Variants in GPC5 observed in about 807,000 individuals in gnomAD.
GPC5 encodes glypican-5.
A neutral mutation model predicts 53.9 loss-of-function variants in GPC5; 47 were observed. That is an observed-to-expected ratio of 0.87 (90% CI 0.69 to 1.11). The LOEUF is 1.11. GPC5 is among the 50% of genes most tolerant of loss of function. GPC5 has a pLI of 0.00. For missense variants in GPC5, 748 were observed against 713.1 expected (o/e 1.05, Z -0.56); for synonymous variants, 286 against 263.3 (o/e 1.09, Z -0.84).
chr13:92,131,927 T>C lies in GPC5; in HGVS notation c.1402-12903T>C, dbSNP rs2041747246. On this transcript the variant is annotated intron_variant, in intron 6 of 7. Coordinates refer to ENST00000377067, the MANE Select transcript of GPC5 (RefSeq NM_004466.6). ...ACCCACCATTATACACTTAAGTATA[T>C]ACCCAACAGATATAACTGGGAATTT... Among the ~76,000 whole-genome samples the C allele has an allele frequency of 4.5e-5, 3 of 66,876 alleles. No individual in the cohort carries two copies. The South Asian group carries it at 2.4e-3, about 54-fold the overall frequency. 43.9% of individuals were successfully genotyped at this position (66,876 alleles called of 152,430 possible).
At chr13:91,931,903 G>C (rs2039824928) in intron 6 of GPC5, among the ~76,000 whole-genome samples, 1 of 151,936 alleles carries the variant, frequency 6.6e-6, no homozygotes, top group Non-Finnish European at 1.5e-5. Flanking sequence ...TTACATCTCT[G>C]TTTATAGACT....
At chr13:92,609,834 C>G (rs1884375009) in intron 7 of GPC5, among the ~76,000 whole-genome samples, 1 of 151,960 alleles carries the variant, frequency 6.6e-6, no homozygotes, top group Admixed American at 6.6e-5. Context: ...AGTTCGAGAT[C>G]AGTCTGGCCA....
rs61454360 is a variant in GPC5, at chr13:92,127,148, C to T, written c.1402-17682C>T. Among the ~76,000 whole-genome samples the T allele has an allele frequency of 2.7e-3, 404 of 151,586 alleles. 1 individual carries two copies. The highest frequency in any genetic ancestry group is 9.4e-3 in the African/African-American group (387 of 41,322). ...CTTCTAGGAAAGTTTGAGGAAACAG[C>T]GAAAAACCAGTGTGTTACTGAACAC... On this transcript the variant is annotated intron_variant, in intron 6 of 7. Coordinates refer to ENST00000377067, the MANE Select transcript of GPC5 (RefSeq NM_004466.6).
At chr13:91,862,267 T>C (rs2039038382) in intron 5 of GPC5, among the ~76,000 whole-genome samples, 1 of 152,154 alleles carries the variant, frequency 6.6e-6, no homozygotes, top group Admixed American at 6.5e-5. Flanking sequence ...AATTTTACCT[T>C]CAACTTTGAA....
Position 92,663,889 on chromosome 13 carries a change from TATATATATATATATACAC to T in GPC5, c.1562-202391_1562-202374del, listed in dbSNP as rs1205501396. 4.0e-3 allele frequency among the ~76,000 whole-genome samples: 72 copies of T among 17,858 alleles called. 2 individuals are homozygous for T. Among genetic ancestry groups the T allele is most frequent in the South Asian group, 0.016 (6 of 372 alleles). The allele number at this position is 17,858 out of a possible 152,430, so 11.7% of individuals were successfully genotyped here. On this transcript the variant is annotated intron_variant, in intron 7 of 7. Coordinates refer to ENST00000377067, the MANE Select transcript of GPC5 (RefSeq NM_004466.6). ...ATATATATATATATATATATATATA[TATATATATATATATACAC>T]ACACACACACAAAAATTAGCTCGGC...
intron 7 of GPC5, among the ~76,000 whole-genome samples, chr13:92,531,484 TAAAG>T (rs935677001): frequency 1.3e-4 from 19 of 151,062 alleles, no homozygotes; most frequent in African/African-American, 4.3e-4. Context: ...TATATTCATA[TAAAG>T]AGATATATGT....
At chr13:92,147,112 T>C (rs73620809) in intron 7 of GPC5, among the ~76,000 whole-genome samples, 1,578 of 151,300 alleles carry the variant, frequency 0.01, 34 homozygotes, top group African/African-American at 0.036. Flanking sequence ...GTTTTTACTT[T>C]ATTACATTTT....
At chr13:92,385,431 TATATACA>T (rs2043789954) in intron 7 of GPC5, among the ~76,000 whole-genome samples, 1 of 83,350 alleles carries the variant, frequency 1.2e-5, no homozygotes, top group Non-Finnish European at 2.4e-5. Context: ...CATATATACA[TATATACA>T]TATATACATA....
intron 7 of GPC5, among the ~76,000 whole-genome samples, chr13:92,563,343 G>T (rs1180206942): frequency 6.6e-6 from 1 of 151,948 alleles, no homozygotes; most frequent in Non-Finnish European, 1.5e-5. Context: ...TTATCTAATA[G>T]TTTTTAAAAG....
At chr13:91,668,256 C>T (rs1831567) in intron 2 of GPC5, among the ~76,000 whole-genome samples, 36,924 of 152,120 alleles carry the variant, frequency 0.24, 6,081 homozygotes, top group African/African-American at 0.46. Flanking sequence ...GGAGCCACAT[C>T]CAGCTGGGGC....
intron 2 of GPC5, among the ~76,000 whole-genome samples, chr13:91,561,891 T>G (rs1038639776): frequency 2.6e-5 from 4 of 152,164 alleles, no homozygotes; most frequent in Non-Finnish European, 5.9e-5. Flanking sequence ...GGTTAATGAC[T>G]GTTTAGCAAG....
intron 6 of GPC5, among the ~76,000 whole-genome samples, chr13:91,945,768 T>C (rs2039969000): frequency 6.6e-6 from 1 of 152,130 alleles, no homozygotes; most frequent in African/African-American, 2.4e-5. Context: ...CCCAAAATGG[T>C]TTGGGACAAT....
intron 2 of GPC5, chr13:91,485,864 G>T (rs1367447243): frequency 6.6e-6 from 1 of 152,202 alleles, no homozygotes; most frequent in Admixed American, 6.5e-5. Context: ...AGGTGCATAT[G>T]CCACAGCAAT....
chr13:92,437,617 AT>A (rs2139381539), intron 7 of GPC5, among the ~76,000 whole-genome samples: 1 of 152,262 alleles, frequency 6.6e-6, no homozygotes, highest in Non-Finnish European at 1.5e-5. Context: ...AGTATGCTAT[AT>A]TATTTTTCTA....
At chr13:91,491,331 T>C (rs1883933158) in intron 2 of GPC5, among the ~76,000 whole-genome samples, 1 of 152,236 alleles carries the variant, frequency 6.6e-6, no homozygotes, top group African/African-American at 2.4e-5. Context: ...AAATGTTCAT[T>C]GCTTTATAAG....
At chr13:91,728,429 TG>T in intron 3 of GPC5, 102 bp from the exon 4 acceptor site, 3 of 1,076,784 alleles carry the variant, frequency 2.8e-6, no homozygotes, top group Non-Finnish European at 4.0e-6. Context: ...AATATTGAGG[TG>T]AAAGCAAAAA....
chr13:91,450,162 A>G (rs1881085235), intron 2 of GPC5, among the ~76,000 whole-genome samples: 1 of 152,172 alleles, frequency 6.6e-6, no homozygotes, highest in Admixed American at 6.5e-5. Context: ...TCAGATTTTA[A>G]GGTTTTATAA....
intron 7 of GPC5, among the ~76,000 whole-genome samples, chr13:92,847,169 C>A (rs75623234): frequency 6.6e-6 from 1 of 152,134 alleles, no homozygotes; most frequent in Non-Finnish European, 1.5e-5. Context: ...CAATGTTTAT[C>A]CCTTAGAGAA....
chr13:92,072,386 C>G (rs2041219612), intron 6 of GPC5, among the ~76,000 whole-genome samples: 1 of 151,326 alleles, frequency 6.6e-6, no homozygotes, highest in South Asian at 2.1e-4. Flanking sequence ...CCTGCCTCAA[C>G]TTTCCAAGTA....
Sources: gnomAD v4.1 joint callset for allele counts (sites outside exome capture counted in the v4.1 genomes callset) on GRCh38, gnomAD v4.1.1 for gene constraint, MANE v1.5 for transcripts, NCBI Gene and HGNC (gene_info 2026-07-23, HGNC 2026-07-21) for gene names.